Variants in FRMD4B observed in about 807,000 individuals in gnomAD.
FRMD4B encodes the protein FERM domain-containing protein 4B.
In FRMD4B, 74 loss-of-function variants were observed where a neutral mutation model predicts 141.5. The observed-to-expected ratio is 0.52, with a 90% CI of 0.43 to 0.63. The LOEUF is 0.63. Among genes scored for constraint, FRMD4B ranks in the 30% least tolerant of loss-of-function variants. The pLI, the probability that FRMD4B is intolerant of heterozygous loss-of-function variation, is 0.00. For synonymous variants in FRMD4B, 506 were observed against 467.9 expected (o/e 1.08, Z -1.05); for missense variants, 1,366 against 1,253.4 (o/e 1.09, Z -1.36).
chr3:69,180,246 CAAAAAAAAAAAA>C (rs71115658), intron 21 of FRMD4B, among the ~76,000 whole-genome samples: 1 of 101,048 alleles, frequency 9.9e-6, no homozygotes, highest in African/African-American at 3.8e-5. Flanking sequence ...CTTGTTTCTA[CAAAAAAAAAAAA>C]AAAAAAAAAA....
At chr3:69,410,718 AATAAATAAATATATAT>A (rs1435453098) in intron 2 of FRMD4B, among the ~76,000 whole-genome samples, 38 of 72,422 alleles carry the variant, frequency 5.2e-4, no homozygotes, top group African/African-American at 1.8e-3. Flanking sequence ...TAAATAAATA[AATAAATAAATATATAT>A]ATATATATAT....
intron 2 of FRMD4B, among the ~76,000 whole-genome samples, chr3:69,411,815 A>T (rs747168534): frequency 2.6e-5 from 4 of 152,230 alleles, no homozygotes; most frequent in African/African-American, 4.8e-5. Flanking sequence ...AAAGTGGAAG[A>T]TTTCCGAGGT....
chr3:69,234,486 G>C (rs905154577), intron 7 of FRMD4B, among the ~76,000 whole-genome samples: 1 of 152,154 alleles, frequency 6.6e-6, no homozygotes, highest in African/African-American at 2.4e-5. Flanking sequence ...TGGCTAGCTT[G>C]CCTTCAAATT....
chr3:69,402,597 C>T (rs1704583420), intron 2 of FRMD4B, among the ~76,000 whole-genome samples: 1 of 152,242 alleles, frequency 6.6e-6, no homozygotes. Context: ...CACAGTATCT[C>T]AGATATAGGA....
At chr3:69,455,469 C>A (rs1018798367) in intron 1 of FRMD4B, among the ~76,000 whole-genome samples, 1 of 152,170 alleles carries the variant, frequency 6.6e-6, no homozygotes, top group African/African-American at 2.4e-5. Context: ...GACATGCCAC[C>A]TTGAGAGCTG....
At chr3:69,181,935 A>G (rs969765684) in intron 20 of FRMD4B, among the ~76,000 whole-genome samples, 6 of 152,160 alleles carry the variant, frequency 3.9e-5, no homozygotes. Flanking sequence ...GGCTTCTGTT[A>G]GTTGCGCAAG....
rs75528072 is a variant in FRMD4B, at chr3:69,368,420, G to A, written c.162+17408C>T. Among the ~76,000 whole-genome samples, 302 of 152,326 alleles carry A rather than the reference G, an allele frequency of 2.0e-3. 1 individual carries two copies. Among genetic ancestry groups the A allele is most frequent in the African/African-American group, 6.9e-3 (286 of 41,580 alleles). ...ATGACATTAGACAGCAGTAAATAAT[G>A]AATGCAGCTGCTGTGGCTGAGGAAG... On this transcript the variant is annotated intron_variant, in intron 1 of 22. Transcript: ENST00000398540.
At chr3:69,223,890 A>G (rs944687557) in intron 8 of FRMD4B, among the ~76,000 whole-genome samples, 1 of 152,224 alleles carries the variant, frequency 6.6e-6, no homozygotes, top group African/African-American at 2.4e-5. Context: ...AGAAGTTTCC[A>G]GAGTCAAGAT....
At chr3:69,333,529 A>G (rs1287062106) in intron 1 of FRMD4B, among the ~76,000 whole-genome samples, 3 of 152,208 alleles carry the variant, frequency 2.0e-5, no homozygotes, top group South Asian at 2.1e-4. Context: ...GTGACAGCCA[A>G]TTTGAATTCT....
At chr3:69,339,820 CCT>C (rs1702674391) in intron 1 of FRMD4B, among the ~76,000 whole-genome samples, 1 of 152,140 alleles carries the variant, frequency 6.6e-6, no homozygotes, top group South Asian at 2.1e-4. Context: ...GGAGAACACC[CCT>C]CAGTGTCTTC....
chr3:69,175,989 C>A (rs2092641209), intron 22 of FRMD4B, among the ~76,000 whole-genome samples: 1 of 151,912 alleles, frequency 6.6e-6, no homozygotes, highest in African/African-American at 2.4e-5. Context: ...ACCGTGTTAG[C>A]CAGGATGGTC....
intron 5 of FRMD4B, among the ~76,000 whole-genome samples, chr3:69,266,700 A>G (rs1423425955): frequency 2.0e-5 from 3 of 152,202 alleles, no homozygotes; most frequent in Non-Finnish European, 2.9e-5. Flanking sequence ...TAACTAAGAA[A>G]TGTTGAAGGT....
At chr3:69,222,052 G>T in intron 8 of FRMD4B, 129 bp from the exon 9 acceptor site, 1 of 652,936 alleles carries the variant, frequency 1.5e-6, no homozygotes, top group South Asian at 1.7e-5. Flanking sequence ...TTGGTAGATA[G>T]AGTTTGGCTT....
intron 7 of FRMD4B, among the ~76,000 whole-genome samples, chr3:69,226,005 T>C (rs2093250807): frequency 6.6e-6 from 1 of 152,156 alleles, no homozygotes; most frequent in African/African-American, 2.4e-5. Flanking sequence ...TTGGGCATTA[T>C]TTACCTCATG....
At chr3:69,481,326 C>A (rs887718678) in intron 1 of FRMD4B, among the ~76,000 whole-genome samples, 2 of 152,086 alleles carry the variant, frequency 1.3e-5, no homozygotes, top group Non-Finnish European at 2.9e-5. Context: ...AGCTGTAGAC[C>A]GGAGCTGTTC....
intron 2 of FRMD4B, among the ~76,000 whole-genome samples, chr3:69,420,364 A>G (rs1043609349): frequency 1.3e-5 from 2 of 151,762 alleles, no homozygotes; most frequent in Non-Finnish European, 2.9e-5. Context: ...CTCAGGTGCC[A>G]TGGTTTCTAC....
At chr3:69,294,225 T>TC (rs1460387272) in intron 4 of FRMD4B, among the ~76,000 whole-genome samples, 1 of 152,080 alleles carries the variant, frequency 6.6e-6, no homozygotes, top group East Asian at 1.9e-4. Flanking sequence ...TGAGTAATTT[T>TC]AGGCATTTAA....
At chr3:69,284,545 C>G (rs1041606972) in intron 5 of FRMD4B, among the ~76,000 whole-genome samples, 3 of 151,956 alleles carry the variant, frequency 2.0e-5, no homozygotes, top group Non-Finnish European at 4.4e-5. Context: ...TGAAAAAAAC[C>G]AAACCATATT....
intron 1 of FRMD4B, among the ~76,000 whole-genome samples, chr3:69,532,112 A>T (rs190771871): frequency 7.2e-5 from 11 of 152,336 alleles, no homozygotes; most frequent in African/African-American, 2.2e-4. Context: ...GGTTTTCATT[A>T]GTTTGTCAGG....
Sources: allele counts gnomAD v4.1 joint callset (sites outside exome capture counted in the v4.1 genomes callset), GRCh38; gene constraint gnomAD v4.1.1; transcripts MANE v1.5; gene names NCBI Gene and HGNC (gene_info 2026-07-23, HGNC 2026-07-21).